Variants in FBXW11 observed in about 807,000 individuals in gnomAD.
The protein encoded by FBXW11 is F-box and WD repeat domain containing 11.
A neutral mutation model predicts 77.6 loss-of-function variants in FBXW11; 19 were observed. The ratio of observed to expected loss-of-function variants is 0.24; its 90% CI spans 0.17 to 0.36. The LOEUF (loss-of-function observed/expected upper bound fraction) is 0.36. FBXW11 is among the 10% of genes least tolerant of loss of function. The pLI is 1.00. For synonymous variants in FBXW11, 235 were observed against 249.4 expected (o/e 0.94, Z 0.54); for missense variants, 334 against 704.2 (o/e 0.47, Z 5.95).
chr5:171,980,517 A>T (rs968235703), intron 1 of FBXW11, among the ~76,000 whole-genome samples: 1 of 152,244 alleles, frequency 6.6e-6, no homozygotes, highest in Admixed American at 6.5e-5. Context: ...CTCATAAATT[A>T]GTAAGAAGAA....
intron 4 of FBXW11, among the ~76,000 whole-genome samples, chr5:171,908,375 G>A (rs185493374): frequency 5.7e-4 from 87 of 152,188 alleles, no homozygotes; most frequent in African/African-American, 2.0e-3. Flanking sequence ...TTCCTTAGCC[G>A]TTGTACTAAT....
At chr5:171,992,823 A>G (rs1199318730) in intron 1 of FBXW11, among the ~76,000 whole-genome samples, 1 of 152,022 alleles carries the variant, frequency 6.6e-6, no homozygotes, top group African/African-American at 2.4e-5. Flanking sequence ...TTCTTAGACA[A>G]TCCATCCATA....
chr5:171,979,485 CATTAT>C (rs1474639950), intron 1 of FBXW11, among the ~76,000 whole-genome samples: 1 of 151,978 alleles, frequency 6.6e-6, no homozygotes, highest in Non-Finnish European at 1.5e-5. Flanking sequence ...TCTTATTTTA[CATTAT>C]ATTTATTTTC....
At chr5:171,908,345 T>C (rs1760662734) in intron 4 of FBXW11, among the ~76,000 whole-genome samples, 1 of 152,196 alleles carries the variant, frequency 6.6e-6, no homozygotes, top group African/African-American at 2.4e-5. Flanking sequence ...ATTCAGTACT[T>C]GGGGCCAATT....
intron 6 of FBXW11, 24 bp downstream of exon 6, chr5:171,898,979 TA>T: frequency 7.0e-7 from 1 of 1,432,644 alleles, no homozygotes; most frequent in Non-Finnish European, 9.6e-7. Flanking sequence ...AAAGAGCCCA[TA>T]AAACAGATAA....
At chr5:171,864,296 A>G (rs1462053239) in intron 13 of FBXW11, among the ~76,000 whole-genome samples, 195 bp from the exon 14 acceptor site, 1 of 152,228 alleles carries the variant, frequency 6.6e-6, no homozygotes, top group Admixed American at 6.5e-5. Context: ...CAATCCTGTG[A>G]GGAAGAAACT....
At chr5:171,978,541 G>T (rs1288011395) in intron 1 of FBXW11, among the ~76,000 whole-genome samples, 2 of 152,220 alleles carry the variant, frequency 1.3e-5, no homozygotes, top group Non-Finnish European at 2.9e-5. Context: ...CCTTGAAGCT[G>T]TCAGTGAAGC....
intron 7 of FBXW11, 27 bp from the exon 8 acceptor site, chr5:171,878,156 G>A (rs1344177269): frequency 1.4e-6 from 2 of 1,478,172 alleles, no homozygotes; most frequent in Non-Finnish European, 1.9e-6. Context: ...AGCCACAAAC[G>A]ATGATTAATT....
intron 3 of FBXW11, among the ~76,000 whole-genome samples, chr5:171,912,002 G>A (rs944730232): frequency 1.3e-5 from 2 of 152,160 alleles, no homozygotes; most frequent in Non-Finnish European, 2.9e-5. Context: ...GAACTGAAGA[G>A]CTGAATTACA....
chr5:171,906,662 A>G (rs922859948), intron 4 of FBXW11, among the ~76,000 whole-genome samples: 1 of 152,196 alleles, frequency 6.6e-6, no homozygotes, highest in Non-Finnish European at 1.5e-5. Context: ...CAATACCCAT[A>G]AAGTATTACT....
In FBXW11 at chr5:171,862,745, G is replaced by A. The variant is rs1300612332; in HGVS notation, c.*1382C>T. 6.6e-6 allele frequency: 1 copy of A among 152,294 alleles called. No individual in the cohort carries two copies. The highest frequency in any genetic ancestry group is 1.5e-5 in the Non-Finnish European group (1 of 68,150). 9.4% of individuals were successfully genotyped at this position (152,294 alleles called of 1,614,324 possible). A position where few individuals can be genotyped will look rare whatever the true frequency, so the allele number is the denominator to read the frequency against. ...AGAGATGACTGGGGTGGCATTCATG[G>A]GCTTGAGGCTTCACTCCACTTCAGA... On this transcript the variant is annotated 3_prime_UTR_variant, in exon 14 of 14. Coordinates refer to ENST00000517395, the MANE Select transcript of FBXW11 (RefSeq NM_001378974.1).
Position 172,006,571 on chromosome 5 carries a change from G to C in FBXW11, c.-69C>G, listed in dbSNP as rs1260410226. Reference sequence around the variant, plus strand: ...AACGGCCCGGGCGGAGGAGGCGACGGCGGAGGCGGCAGAGGCGGAGGCGGC... The same window carrying C: ...AACGGCCCGGGCGGAGGAGGCGACGCCGGAGGCGGCAGAGGCGGAGGCGGC... On this transcript the variant is annotated 5_prime_UTR_variant, in exon 1 of 14. Coordinates refer to ENST00000517395, the MANE Select transcript of FBXW11 (RefSeq NM_001378974.1). The C allele has an allele frequency of 4.9e-6, 7 of 1,434,504 alleles. No homozygotes were observed. The highest frequency in any genetic ancestry group is 1.5e-5 in the African/African-American group (1 of 67,164). The allele number at this position is 1,434,504 out of a possible 1,614,324, so 88.9% of individuals were successfully genotyped here.
At chr5:171,865,276 G>C in intron 13 of FBXW11, among the ~76,000 whole-genome samples, 1 of 146,060 alleles carries the variant, frequency 6.8e-6, no homozygotes, top group East Asian at 2.0e-4. Context: ...AGAACTTAAA[G>C]TATAATTAAA....
intron 1 of FBXW11, among the ~76,000 whole-genome samples, chr5:171,970,658 T>C (rs529365193): frequency 6.6e-6 from 1 of 152,324 alleles, no homozygotes; most frequent in Non-Finnish European, 1.5e-5. Flanking sequence ...TTTATATACA[T>C]ACGCCCACAC....
At chr5:171,956,805 T>C (rs1763635990) in intron 2 of FBXW11, among the ~76,000 whole-genome samples, 1 of 152,220 alleles carries the variant, frequency 6.6e-6, no homozygotes, top group Non-Finnish European at 1.5e-5. Context: ...AAACTGAATA[T>C]TGCTACTGAA....
chr5:171,939,101 G>C (rs968314295), intron 2 of FBXW11, among the ~76,000 whole-genome samples: 1 of 152,090 alleles, frequency 6.6e-6, no homozygotes, highest in African/African-American at 2.4e-5. Context: ...GTGGGGCGTA[G>C]TGGCAGGAAC....
chr5:171,933,024 G>A lies in FBXW11; in HGVS notation c.148-18619C>T, dbSNP rs556186754. On this transcript the variant is annotated intron_variant, in intron 2 of 13. Transcript: ENST00000517395. ...AATGCACCTGTTGTTCCAGCTACTT[G>A]TGAGGCTGAGGTGGGAGGATTGCTT... 4.7e-5 allele frequency among the ~76,000 whole-genome samples: 7 copies of A among 148,100 alleles called. No homozygotes were observed. In the South Asian group the frequency reaches 1.5e-3, roughly 32 times the overall value.
At chr5:171,947,145 T>C (rs1167132829) in intron 2 of FBXW11, among the ~76,000 whole-genome samples, 1 of 152,158 alleles carries the variant, frequency 6.6e-6, no homozygotes, top group East Asian at 1.9e-4. Flanking sequence ...CACTAAAATG[T>C]AGGTTCTGAG....
chr5:171,880,843 C>G (rs1185583795), intron 7 of FBXW11, among the ~76,000 whole-genome samples: 5 of 152,106 alleles, frequency 3.3e-5, no homozygotes, highest in Admixed American at 3.3e-4. Context: ...CTATAGGCGC[C>G]CACCACCACA....
Sources: allele counts gnomAD v4.1 joint callset (sites outside exome capture counted in the v4.1 genomes callset), GRCh38; gene constraint gnomAD v4.1.1; transcripts MANE v1.5; gene names NCBI Gene and HGNC (gene_info 2026-07-23, HGNC 2026-07-21).